The following PTPRD variants were observed in gnomAD, a reference collection of about 807,000 sequenced individuals.
PTPRD encodes receptor-type tyrosine-protein phosphatase delta.
PTPRD carries 34 observed loss-of-function variants against 214.5 expected under a neutral mutation model. That is an observed-to-expected ratio of 0.16 (90% confidence interval 0.12 to 0.21). The LOEUF (loss-of-function observed/expected upper bound fraction) is 0.21. Among genes scored for constraint, PTPRD ranks in the 10% least tolerant of loss-of-function variants. The pLI, the probability that PTPRD is intolerant of heterozygous loss-of-function variation, is 1.00. For missense variants in PTPRD, 2,545 were observed against 2,398.7 expected (o/e 1.06, Z -1.27); for synonymous variants, 1,128 against 845.7 (o/e 1.33, Z -5.79).
At chr9:9,380,316 C>T (rs1277259292) in intron 9 of PTPRD, among the ~76,000 whole-genome samples, 1 of 151,880 alleles carries the variant, frequency 6.6e-6, no homozygotes. Context: ...CTTGAGATTT[C>T]TTCTTTGACC....
intron 9 of PTPRD, among the ~76,000 whole-genome samples, chr9:9,328,808 T>C: frequency 6.9e-6 from 1 of 145,700 alleles, no homozygotes; most frequent in East Asian, 2.4e-4. Context: ...AGCTATTTCT[T>C]TTTTTTTTAA....
intron 10 of PTPRD, among the ~76,000 whole-genome samples, chr9:9,109,628 TC>T (rs1291397044): frequency 1.6e-4 from 25 of 152,058 alleles, no homozygotes. Flanking sequence ...AAGAGCTCAG[TC>T]TGGGTGGAGG....
chr9:10,036,643 G>A (rs2097187985), intron 3 of PTPRD, among the ~76,000 whole-genome samples: 1 of 151,788 alleles, frequency 6.6e-6, no homozygotes, highest in African/African-American at 2.4e-5. Context: ...GGAGTGCAGT[G>A]GTGCAATCTC....
rs535732187 is a variant in PTPRD at position 9,329,912 on chromosome 9, C to T, written c.-203+67537G>A. ...TTCCCTCACTGAGAAATTCCTAGGGCCCTACCTTCTCAGTCACTTCTAGCT... is the reference window on the plus strand; with the variant it reads ...TTCCCTCACTGAGAAATTCCTAGGGTCCTACCTTCTCAGTCACTTCTAGCT... On this transcript the variant is annotated intron_variant, in intron 9 of 45. Coordinates refer to ENST00000381196, the MANE Select transcript of PTPRD (RefSeq NM_002839.4). Among the ~76,000 whole-genome samples, 122 of 152,272 alleles carry T rather than the reference C, an allele frequency of 8.0e-4. 1 individual carries two copies. In the South Asian group the frequency reaches 0.02, roughly 25 times the overall value.
chr9:8,419,586 C>G (rs1435055819), intron 35 of PTPRD, among the ~76,000 whole-genome samples: 1 of 151,496 alleles, frequency 6.6e-6, no homozygotes, highest in Non-Finnish European at 1.5e-5. Flanking sequence ...GTCATCTTAA[C>G]CAATGATTTA....
intron 2 of PTPRD, among the ~76,000 whole-genome samples, chr9:10,376,782 A>G (rs2097736557): frequency 6.6e-6 from 1 of 151,956 alleles, no homozygotes; most frequent in Non-Finnish European, 1.5e-5. Flanking sequence ...TTGTGGGTAC[A>G]TAGGAAGTGT....
chr9:10,552,842 T>C (rs2061636288), intron 2 of PTPRD, among the ~76,000 whole-genome samples: 1 of 152,202 alleles, frequency 6.6e-6, no homozygotes, highest in African/African-American at 2.4e-5. Flanking sequence ...CATTCCTATC[T>C]TCTCTGTATG....
intron 14 of PTPRD, among the ~76,000 whole-genome samples, chr9:8,529,774 C>A (rs965122830): frequency 6.6e-6 from 1 of 152,068 alleles, no homozygotes; most frequent in African/African-American, 2.4e-5. Context: ...TAGAACATGG[C>A]CATTTGTTTG....
chr9:9,850,132 G>C (rs369449105), intron 5 of PTPRD, among the ~76,000 whole-genome samples: 2 of 152,026 alleles, frequency 1.3e-5, no homozygotes, highest in South Asian at 2.1e-4. Context: ...TTTAACTTTA[G>C]ACCAAAAAGT....
intron 11 of PTPRD, among the ~76,000 whole-genome samples, chr9:8,885,525 T>C (rs1348653333): frequency 7.7e-6 from 1 of 130,614 alleles, no homozygotes; most frequent in Non-Finnish European, 1.6e-5. Context: ...AGACCAAGTC[T>C]CGCTCTTGTC....
At chr9:8,417,642 A>G (rs1312524584) in intron 35 of PTPRD, among the ~76,000 whole-genome samples, 2 of 152,188 alleles carry the variant, frequency 1.3e-5, no homozygotes, top group Admixed American at 1.3e-4. Flanking sequence ...GAACACAGAA[A>G]AAGTATAGCA....
At chr9:9,983,920 A>C (rs114941123) in intron 4 of PTPRD, among the ~76,000 whole-genome samples, 2,079 of 151,564 alleles carry the variant, frequency 0.014, 57 homozygotes, top group African/African-American at 0.048. Context: ...CCCAGCAATT[A>C]CTCTCTAGTG....
In PTPRD at chr9:8,316,458, CT is replaced by C. The variant is rs1444804599; in HGVS notation, c.*1415del. The C allele has an allele frequency of 1.3e-5, 3 of 230,560 alleles. No homozygotes were observed. Among genetic ancestry groups the C allele is most frequent in the East Asian group, 6.1e-5 (1 of 16,312 alleles). 14.3% of individuals were successfully genotyped at this position (230,560 alleles called of 1,614,324 possible). On this transcript the variant is annotated 3_prime_UTR_variant, in exon 46 of 46. Transcript: ENST00000381196. ...GAGTAACATGAATTTGGCTTTGCCCCTGTTACATATCATAAATGCAAATTTC... is the reference window on the plus strand; with the variant it reads ...GAGTAACATGAATTTGGCTTTGCCCCGTTACATATCATAAATGCAAATTTC...
At chr9:8,338,006 C>A (rs1002849727) in intron 43 of PTPRD, among the ~76,000 whole-genome samples, 1 of 152,032 alleles carries the variant, frequency 6.6e-6, no homozygotes, top group Non-Finnish European at 1.5e-5. Context: ...CTAGGCCAAC[C>A]CTCCTGCTAA....
chr9:8,633,403 G>T lies in PTPRD; in HGVS notation c.266C>A (p.Thr89Asn), dbSNP rs1208308933. The change falls in exon 14 of 46, where the codon ACT becomes AAT. Residue 89 changes from threonine (T) to asparagine (N), a missense_variant. Physicochemically the swap from Thr to Asn is moderately conservative, Grantham distance 65 (BLOSUM62 0). Coordinates refer to ENST00000381196, the MANE Select transcript of PTPRD (RefSeq NM_002839.4). ...TTCATAAATGGCCTCATCCCTCGGAGTCCGTAAGGGTTGTATTCTGAGAAC... is the reference window on the plus strand; with the variant it reads ...TTCATAAATGGCCTCATCCCTCGGATTCCGTAAGGGTTGTATTCTGAGAAC... Reference protein sequence around the residue: ...GSVLRIQPLRTPRDEAIYECV... With the variant: ...GSVLRIQPLRNPRDEAIYECV... 1.2e-6 allele frequency: 2 copies of T among 1,612,808 alleles called. No individual in the cohort carries two copies. Among genetic ancestry groups the T allele is most frequent in the Non-Finnish European group, 1.7e-6 (2 of 1,179,146 alleles).
intron 8 of PTPRD, among the ~76,000 whole-genome samples, chr9:9,425,547 C>A (rs2080525385): frequency 1.4e-5 from 2 of 142,778 alleles, no homozygotes; most frequent in South Asian, 4.4e-4. Context: ...ACTTTTGCAG[C>A]CTCCTAACAT....
chr9:10,012,499 C>A (rs1244209974), intron 4 of PTPRD, among the ~76,000 whole-genome samples: 1 of 151,900 alleles, frequency 6.6e-6, no homozygotes, highest in Non-Finnish European at 1.5e-5. Context: ...TTTCACCACA[C>A]CTTATAACTA....
chr9:9,320,596 C>T (rs1463335427), intron 9 of PTPRD, among the ~76,000 whole-genome samples: 2 of 152,276 alleles, frequency 1.3e-5, no homozygotes, highest in East Asian at 1.9e-4. Flanking sequence ...CCTTCCCATC[C>T]TTCGTCTACT....
In PTPRD at chr9:10,190,015, G is replaced by A. The variant is rs146505389; in HGVS notation, c.-545+150948C>T. 6.9e-4 allele frequency among the ~76,000 whole-genome samples: 105 copies of A among 152,180 alleles called. 1 individual carries two copies. In the East Asian group the frequency reaches 0.016, roughly 23 times the overall value. ...AGGACACCAGAATCCAAAGACCAAC[G>A]ACATTCTGTTAAAGAGTTGAGCTCT... On this transcript the variant is annotated intron_variant, in intron 3 of 45. Coordinates refer to ENST00000381196, the MANE Select transcript of PTPRD (RefSeq NM_002839.4).
Sources: gnomAD v4.1 joint callset for allele counts (sites outside exome capture counted in the v4.1 genomes callset) on GRCh38, gnomAD v4.1.1 for gene constraint, MANE v1.5 for transcripts, NCBI Gene and HGNC (gene_info 2026-07-23, HGNC 2026-07-21) for gene names.